MED23: variants seen among roughly 807,000 people sequenced by gnomAD.
MED23 encodes the protein mediator complex subunit 23, also known as mediator of RNA polymerase II transcription subunit 23.
A neutral mutation model predicts 163.9 loss-of-function variants in MED23; 105 were observed. The ratio of observed to expected loss-of-function variants is 0.64; its 90% CI spans 0.55 to 0.75. The LOEUF (loss-of-function observed/expected upper bound fraction) is 0.75. MED23 is among the 30% of genes least tolerant of loss of function. The pLI, the probability that MED23 is intolerant of heterozygous loss-of-function variation, is 0.00. For missense variants in MED23, 1,054 were observed against 1,649.0 expected (o/e 0.64, Z 6.25); for synonymous variants, 561 against 565.6 (o/e 0.99, Z 0.12).
Position 131,587,096 on chromosome 6 carries a change from C to T in MED23, c.*583G>A. ...GTCCATAGCAAAGGTAATAAAACTG[C>T]CAGTTGACCTTGATAGAAACTATGG... On this transcript the variant is annotated 3_prime_UTR_variant, in exon 29 of 29. Coordinates refer to ENST00000368068, the MANE Select transcript of MED23 (RefSeq NM_004830.4). 7.8e-7 allele frequency: 1 copy of T among 1,279,556 alleles called. No individual in the cohort carries two copies. The highest frequency in any genetic ancestry group is 9.9e-7 in the Non-Finnish European group (1 of 1,005,752). 79.3% of individuals were successfully genotyped at this position (1,279,556 alleles called of 1,614,324 possible). A position where few individuals can be genotyped will look rare whatever the true frequency, so the allele number is the denominator to read the frequency against.
chr6:131,574,163 CAAA>C (rs1773502441), exon 31 of MED23: 13 of 1,185,282 alleles, frequency 1.1e-5, no homozygotes, highest in Non-Finnish European at 1.5e-5. Flanking sequence ...GGATAAAAAA[CAAA>C]GAACAAAATC....
intron 10 of MED23, chr6:131,615,297 A>C: frequency 6.2e-7 from 1 of 1,609,326 alleles, no homozygotes; most frequent in Non-Finnish European, 8.5e-7. Flanking sequence ...CGTTAGTCAC[A>C]ATACAACAGT....
intron 6 of MED23, 74 bp from the exon 7 acceptor site, chr6:131,620,803 TA>T (rs1220820584): frequency 6.2e-5 from 55 of 880,508 alleles, no homozygotes; most frequent in East Asian, 5.4e-4. Context: ...TTATTATCAT[TA>T]TTTTTTTTTT....
chr6:131,583,895 A>G (rs147409787), downstream of MED23: 6 of 1,613,928 alleles, frequency 3.7e-6, no homozygotes, highest in Non-Finnish European at 5.1e-6. Flanking sequence ...GACTACCTTA[A>G]CCCACCTAAG....
Position 131,579,222 on chromosome 6 carries a change from C to T in MED23, c.4096-4927G>A, listed in dbSNP as rs1256715205. ...GTGGGAAAAGCAAGCGAGCAGCTGG[C>T]TGGCAAGGTGGCAGAAGTCAAGAAG... is the stretch of plus-strand genomic sequence containing the variant. On this transcript the variant is annotated intron_variant, in intron 30 of 30. Coordinates refer to the MED23 transcript ENST00000354577. 2 of 1,614,002 alleles carry T rather than the reference C, an allele frequency of 1.2e-6. No homozygotes were observed. The highest frequency in any genetic ancestry group is 1.3e-5 in the African/African-American group (1 of 74,908).
chr6:131,628,106 G>T lies in MED23; in HGVS notation c.-57C>A. 1.2e-6 allele frequency: 2 copies of T among 1,600,580 alleles called. No individual in the cohort carries two copies. The highest frequency in any genetic ancestry group is 1.7e-6 in the Non-Finnish European group (2 of 1,168,990). On this transcript the variant is annotated 5_prime_UTR_variant, in exon 1 of 29. Coordinates refer to ENST00000368068, the MANE Select transcript of MED23 (RefSeq NM_004830.4). ...CCGGCAAGGCCCGGATCAGACTCGA[G>T]CTCTGGGAATATAGGGGCAGAGGGG... is the stretch of plus-strand genomic sequence containing the variant.
chr6:131,603,255 A>G (rs758577482), intron 15 of MED23, 51 bp from the exon 16 acceptor site: 6 of 1,570,334 alleles, frequency 3.8e-6, no homozygotes, highest in Admixed American at 1.7e-5. Context: ...CTATGCATGA[A>G]AAGATATTTG....
chr6:131,603,698 T>C (rs1482826548), intron 15 of MED23, among the ~76,000 whole-genome samples: 1 of 152,204 alleles, frequency 6.6e-6, no homozygotes, highest in African/African-American at 2.4e-5. Context: ...GGAATTACCA[T>C]GAATCAGAAA....
At chr6:131,606,763 A>G in intron 12 of MED23, 139 bp from the exon 13 acceptor site, 1 of 782,904 alleles carries the variant, frequency 1.3e-6, no homozygotes, top group Non-Finnish European at 2.0e-6. Context: ...ATTCAATAAT[A>G]CAAATCAGAA....
intron 17 of MED23, among the ~76,000 whole-genome samples, chr6:131,601,688 A>G (rs1775493763): frequency 6.6e-6 from 1 of 152,138 alleles, no homozygotes; most frequent in Admixed American, 6.6e-5. Flanking sequence ...TGAGAATCCA[A>G]ACTATGTCTT....
At chr6:131,615,206 A>C in intron 10 of MED23, 1 of 1,152,372 alleles carries the variant, frequency 8.7e-7, no homozygotes, top group Non-Finnish European at 1.3e-6. Flanking sequence ...CCTTGGTCTC[A>C]GCATGGTCCT....
downstream of MED23, chr6:131,584,187 A>G (rs1213508983): frequency 2.4e-6 from 1 of 417,710 alleles, no homozygotes; most frequent in Non-Finnish European, 4.3e-6. Flanking sequence ...GCTGGCATTA[A>G]AAATAAGCAC....
chr6:131,594,615 C>T (rs539127754), intron 22 of MED23, among the ~76,000 whole-genome samples: 172 of 152,260 alleles, frequency 1.1e-3, no homozygotes, highest in Admixed American at 2.0e-3. Flanking sequence ...AATCCCTTGA[C>T]ATACAACAAG....
At chr6:131,627,897 G>A (rs942216391) in intron 1 of MED23, 114 bp downstream of exon 1, 8 of 1,367,068 alleles carry the variant, frequency 5.9e-6, no homozygotes, top group Admixed American at 3.4e-5. Flanking sequence ...TCAAAACAAG[G>A]GAATAAAAAG....
Position 131,594,219 on chromosome 6 carries a change from G to A in MED23, c.3112C>T (p.Arg1038Ter), listed in dbSNP as rs749228595. Residue 1038 changes from arginine (R) to a stop codon, truncating the protein, a stop_gained, in exon 23 of 29, where the codon CGA (arginine) becomes TGA (stop). Coordinates refer to ENST00000368068, the MANE Select transcript of MED23 (RefSeq NM_004830.4). LOFTEE classifies it high-confidence loss of function. ...TCACTTAGACACCAGCCCTGCGGTC[G>A]ATTATCCTTCAGAGAGCCAATGATC... is the stretch of plus-strand genomic sequence containing the variant. The part of the protein sequence containing the change: ...HAIIGSLKDN[R>*]PQGWCLSDTY... 6.2e-7 allele frequency: 1 copy of A among 1,614,102 alleles called. No homozygotes were observed. The highest frequency in any genetic ancestry group is 8.5e-7 in the Non-Finnish European group (1 of 1,180,004).
In MED23 at chr6:131,595,927, T is replaced by TA; in HGVS notation, c.2995+19dup. On this transcript the variant is annotated intron_variant, in intron 22 of 28. Coordinates refer to ENST00000368068, the MANE Select transcript of MED23 (RefSeq NM_004830.4). ...TGATAATGGAGGTATTAGACGAAAT[T>TA]AAAATTGGAAAAAGCTCACCATGAA... 6.3e-7 allele frequency: 1 copy of TA among 1,592,800 alleles called. No homozygotes were observed. Among genetic ancestry groups the TA allele is most frequent in the Non-Finnish European group, 8.6e-7 (1 of 1,161,532 alleles).
intron 9 of MED23, among the ~76,000 whole-genome samples, chr6:131,617,940 C>T (rs1156431609): frequency 6.6e-6 from 1 of 152,150 alleles, no homozygotes; most frequent in African/African-American, 2.4e-5. Context: ...TAATTTTCTG[C>T]TCGGAAATGT....
At chr6:131,582,121 T>C (rs1014396867), downstream of MED23, among the ~76,000 whole-genome samples, 4 of 152,224 alleles carry the variant, frequency 2.6e-5, no homozygotes, top group African/African-American at 9.6e-5. Flanking sequence ...AAATAATGTC[T>C]TTTGAACTAA....
At chr6:131,615,264 T>C in intron 10 of MED23, 1 of 1,587,996 alleles carries the variant, frequency 6.3e-7, no homozygotes, top group Non-Finnish European at 8.6e-7. Context: ...ATGGAATCAG[T>C]GGCTACAAAG....
Sources: allele counts gnomAD v4.1 joint callset (sites outside exome capture counted in the v4.1 genomes callset), GRCh38; gene constraint gnomAD v4.1.1; transcripts MANE v1.5; gene names NCBI Gene and HGNC (gene_info 2026-07-23, HGNC 2026-07-21).